The following TRPM3 variants were observed in gnomAD, a reference collection of about 807,000 sequenced individuals.
TRPM3 encodes long transient receptor potential channel 3.
Under a neutral mutation model 181.2 loss-of-function variants are expected in TRPM3, and 77 were observed. The observed-to-expected ratio is 0.42, with a 90% CI of 0.35 to 0.51. TRPM3 has a LOEUF of 0.51. Ranked by LOEUF, TRPM3 falls within the 20% of genes least tolerant of loss-of-function variation. The probability of loss-of-function intolerance (pLI) is 0.01; values close to 1 mark genes in which losing one functional copy is unlikely to be tolerated. For missense variants in TRPM3, 1,759 were observed against 2,196.7 expected, an observed-to-expected ratio of 0.80 and a Z score of 3.98; for synonymous variants, 745 against 796.4, an observed-to-expected ratio of 0.94 and a Z score of 1.09.
intron 1 of TRPM3, among the ~76,000 whole-genome samples, chr9:71,331,171 A>C (rs553424396): frequency 6.6e-6 from 1 of 152,076 alleles, no homozygotes; most frequent in South Asian, 2.1e-4. Flanking sequence ...ATACCACAAT[A>C]AAAATAATCC....
intron 1 of TRPM3, among the ~76,000 whole-genome samples, chr9:71,393,396 A>T (rs2093111139): frequency 1.3e-5 from 2 of 152,298 alleles, no homozygotes; most frequent in African/African-American, 2.4e-5. Context: ...AGAATAAAAT[A>T]GACAAGACAG....
At chr9:71,134,136 T>C (rs1587568631) in intron 1 of TRPM3, among the ~76,000 whole-genome samples, 1 of 152,192 alleles carries the variant, frequency 6.6e-6, no homozygotes, top group African/African-American at 2.4e-5. Context: ...TTATTCTTTT[T>C]TATTATAGGC....
intron 1 of TRPM3, among the ~76,000 whole-genome samples, chr9:71,220,837 C>T (rs905377095): frequency 6.6e-6 from 1 of 152,156 alleles, no homozygotes; most frequent in Non-Finnish European, 1.5e-5. Context: ...AACTTATTGA[C>T]ACCATCCCCT....
At chr9:70,621,883 T>C (rs539820711) in intron 14 of TRPM3, among the ~76,000 whole-genome samples, 1 of 152,328 alleles carries the variant, frequency 6.6e-6, no homozygotes, top group Admixed American at 6.5e-5. Context: ...AGGTTTATAA[T>C]GTCTTTTGTG....
chr9:70,667,104 G>T (rs2061951238), intron 9 of TRPM3, among the ~76,000 whole-genome samples: 1 of 151,690 alleles, frequency 6.6e-6, no homozygotes, highest in Non-Finnish European at 1.5e-5. Flanking sequence ...GCATCTCGCT[G>T]TTTATCTCTC....
intron 2 of TRPM3, among the ~76,000 whole-genome samples, chr9:70,863,720 T>A (rs2095576596): frequency 1.3e-5 from 2 of 152,170 alleles, no homozygotes; most frequent in Non-Finnish European, 2.9e-5. Flanking sequence ...ACATTACTAT[T>A]ACTACCTTTA....
At chr9:70,972,451 G>A (rs1371112509) in intron 1 of TRPM3, among the ~76,000 whole-genome samples, 1 of 152,184 alleles carries the variant, frequency 6.6e-6, no homozygotes, top group African/African-American at 2.4e-5. Flanking sequence ...AAGTAGATTA[G>A]TGTTTGCCAG....
chr9:70,827,001 A>C (rs532189019), intron 6 of TRPM3: 1 of 152,342 alleles, frequency 6.6e-6, no homozygotes, highest in African/African-American at 2.4e-5. Flanking sequence ...TCACAGTTAA[A>C]ACAAATGTTT....
intron 1 of TRPM3, among the ~76,000 whole-genome samples, chr9:71,178,455 T>C (rs1438841211): frequency 2.0e-5 from 3 of 152,140 alleles, no homozygotes; most frequent in Admixed American, 1.3e-4. Context: ...TTGTTCAAAC[T>C]CATCATTGTT....
intron 1 of TRPM3, among the ~76,000 whole-genome samples, chr9:70,988,012 A>G (rs928567176): frequency 6.6e-6 from 1 of 152,132 alleles, no homozygotes; most frequent in Non-Finnish European, 1.5e-5. Context: ...GAGATAAAAG[A>G]TGGTCTTATA....
At chr9:70,629,150 A>T (rs919462071) in intron 12 of TRPM3, among the ~76,000 whole-genome samples, 4 of 139,148 alleles carry the variant, frequency 2.9e-5, no homozygotes, top group African/African-American at 1.1e-4. Flanking sequence ...ATAAAGCTTG[A>T]TTCTTTCAGA....
chr9:70,551,714 A>T (rs2046495206), intron 24 of TRPM3, among the ~76,000 whole-genome samples: 1 of 152,200 alleles, frequency 6.6e-6, no homozygotes, highest in South Asian at 2.1e-4. Flanking sequence ...GCAGGCTATC[A>T]TTCATTAGAG....
intron 1 of TRPM3, among the ~76,000 whole-genome samples, chr9:71,145,916 T>TA (rs67659317): frequency 2.7e-5 from 4 of 150,338 alleles, no homozygotes; most frequent in African/African-American, 7.3e-5. Flanking sequence ...CAAGTTTGGT[T>TA]AAAAAAAAAA....
chr9:70,795,482 T>C (rs943383711), intron 6 of TRPM3, among the ~76,000 whole-genome samples: 2 of 152,230 alleles, frequency 1.3e-5, no homozygotes, highest in East Asian at 3.8e-4. Context: ...AAACAAATAA[T>C]TTGAAATAGC....
At chr9:71,107,206 C>T (rs192011789) in intron 1 of TRPM3, among the ~76,000 whole-genome samples, 17 of 152,332 alleles carry the variant, frequency 1.1e-4, no homozygotes, top group Admixed American at 2.6e-4. Flanking sequence ...CCACCCACGA[C>T]GTGCCCCTCT....
chr9:70,866,421 G>A (rs1202665960), intron 1 of TRPM3, among the ~76,000 whole-genome samples: 2 of 152,046 alleles, frequency 1.3e-5, no homozygotes, highest in Admixed American at 6.6e-5. Context: ...AAAATGGTGT[G>A]AGTGGGACAC....
chr9:70,660,045 C>T (rs2060900962), intron 9 of TRPM3, among the ~76,000 whole-genome samples: 1 of 152,112 alleles, frequency 6.6e-6, no homozygotes, highest in African/African-American at 2.4e-5. Context: ...AATGAGCTTT[C>T]CTAACAACTT....
chr9:71,122,264 T>G (rs1365772335), upstream of TRPM3, among the ~76,000 whole-genome samples: 1 of 152,222 alleles, frequency 6.6e-6, no homozygotes, highest in Non-Finnish European at 1.5e-5. Context: ...GGAGGCTGTA[T>G]GAAATAGTTG....
intron 22 of TRPM3, among the ~76,000 whole-genome samples, chr9:70,580,449 G>A (rs1342157434): frequency 6.6e-6 from 1 of 151,952 alleles, no homozygotes; most frequent in Non-Finnish European, 1.5e-5. Flanking sequence ...ACAATGCATA[G>A]AATCCAATAA....
Sources: allele counts gnomAD v4.1 joint callset (sites outside exome capture counted in the v4.1 genomes callset), GRCh38; gene constraint gnomAD v4.1.1; transcripts MANE v1.5; gene names NCBI Gene and HGNC (gene_info 2026-07-23, HGNC 2026-07-21).